The following KPNA3 variants were observed in gnomAD, a reference collection of about 807,000 sequenced individuals.
KPNA3 encodes importin subunit alpha-4.
A neutral mutation model predicts 73.8 loss-of-function variants in KPNA3; 13 were observed. The observed-to-expected ratio is 0.18, with a 90% CI of 0.11 to 0.28. KPNA3 has a LOEUF of 0.28. Ranked by LOEUF, KPNA3 falls within the 10% of genes least tolerant of loss-of-function variation. The pLI, the probability that KPNA3 is intolerant of heterozygous loss-of-function variation, is 1.00. For missense variants in KPNA3, 360 were observed against 618.1 expected, an observed-to-expected ratio of 0.58 and a Z score of 4.43; for synonymous variants, 186 against 206.9, an observed-to-expected ratio of 0.90 and a Z score of 0.87.
intron 2 of KPNA3, among the ~76,000 whole-genome samples, chr13:49,746,265 T>G (rs970227273): frequency 1.3e-5 from 2 of 152,066 alleles, no homozygotes; most frequent in Admixed American, 1.3e-4. Context: ...CTGGGCAACA[T>G]AGTGAGACCT....
chr13:49,754,261 A>C (rs537760904), intron 1 of KPNA3, among the ~76,000 whole-genome samples: 51 of 152,302 alleles, frequency 3.3e-4, no homozygotes, highest in Middle Eastern at 6.8e-3. Flanking sequence ...AGATCACGTC[A>C]CTGCACTCCA....
At chr13:49,738,139 T>C (rs1352252532) in intron 2 of KPNA3, among the ~76,000 whole-genome samples, 3 of 152,228 alleles carry the variant, frequency 2.0e-5, no homozygotes, top group African/African-American at 7.2e-5. Flanking sequence ...CTCCATTGAA[T>C]TGGTTTTGTA....
intron 1 of KPNA3, among the ~76,000 whole-genome samples, chr13:49,758,648 T>C (rs1267363547): frequency 1.3e-5 from 2 of 152,296 alleles, no homozygotes; most frequent in East Asian, 1.9e-4. Context: ...TAAAATCCCA[T>C]AGTCCTGAAT....
chr13:49,751,473 C>CG (rs140326353), intron 1 of KPNA3, among the ~76,000 whole-genome samples: 1,832 of 152,136 alleles, frequency 0.012, 35 homozygotes, highest in African/African-American at 0.042. Context: ...ACAATGCAGC[C>CG]GGGGGGGTTC....
At chr13:49,750,403 A>G (rs1328832175) in intron 1 of KPNA3, among the ~76,000 whole-genome samples, 2 of 152,208 alleles carry the variant, frequency 1.3e-5, no homozygotes, top group South Asian at 4.1e-4. Flanking sequence ...CTGTAATCCC[A>G]ACACTTTCGG....
chr13:49,740,427 G>T (rs1280866499), intron 2 of KPNA3, among the ~76,000 whole-genome samples: 1 of 152,040 alleles, frequency 6.6e-6, no homozygotes, highest in African/African-American at 2.4e-5. Flanking sequence ...ATCTTGAATT[G>T]TAACTCCCAC....
At chr13:49,741,514 C>A (rs55952201) in intron 2 of KPNA3, among the ~76,000 whole-genome samples, 102 of 148,868 alleles carry the variant, frequency 6.9e-4, no homozygotes, top group African/African-American at 2.4e-3. Flanking sequence ...AGTGCAGTGG[C>A]GTGATCTCGG....
chr13:49,790,772 G>A (rs1022234838), intron 1 of KPNA3, among the ~76,000 whole-genome samples: 2 of 152,196 alleles, frequency 1.3e-5, no homozygotes, highest in African/African-American at 2.4e-5. Context: ...GTATCACTGA[G>A]CTACCAGAAC....
At chr13:49,754,705 C>T (rs1250468189) in intron 1 of KPNA3, among the ~76,000 whole-genome samples, 1 of 149,974 alleles carries the variant, frequency 6.7e-6, no homozygotes, top group Non-Finnish European at 1.5e-5. Flanking sequence ...GGTACTATCA[C>T]TACAGACTTT....
rs1162067060 is a variant in KPNA3, at chr13:49,709,416, AG to A, written c.1032+155del. Among the ~76,000 whole-genome samples the A allele has an allele frequency of 7.9e-5, 12 of 151,402 alleles. No individual in the cohort carries two copies. In the South Asian group the frequency reaches 2.5e-3, roughly 32 times the overall value. ...TCTGTCTCAAAAAAAAAAAAAAAAA[AG>A]TTGAAGAAAAACATTTGCAGAGGTG... On this transcript the variant is annotated intron_variant, in intron 12 of 16. Coordinates refer to ENST00000261667, the MANE Select transcript of KPNA3 (RefSeq NM_002267.4).
At chr13:49,779,943 C>T (rs754737284) in intron 1 of KPNA3, among the ~76,000 whole-genome samples, 1 of 152,116 alleles carries the variant, frequency 6.6e-6, no homozygotes, top group Non-Finnish European at 1.5e-5. Context: ...AGGAAACTCT[C>T]CTCCCTAAGT....
At chr13:49,781,360 C>T (rs917713893) in intron 1 of KPNA3, among the ~76,000 whole-genome samples, 1 of 152,138 alleles carries the variant, frequency 6.6e-6, no homozygotes, top group African/African-American at 2.4e-5. Flanking sequence ...GGACTCAGTG[C>T]CAGTTCTGCC....
intron 1 of KPNA3, among the ~76,000 whole-genome samples, chr13:49,749,303 G>A (rs1954643001): frequency 6.6e-6 from 1 of 152,148 alleles, no homozygotes. Flanking sequence ...TAAGTGCTTC[G>A]AATATGAACA....
Position 49,706,254 on chromosome 13 carries a change from A to T in KPNA3, c.1137+14T>A. ...ACAGATTAACAGACACGGTGAACTCATAATATGACCAACCTTAGCAAGCTG... is the reference window on the plus strand; with the variant it reads ...ACAGATTAACAGACACGGTGAACTCTTAATATGACCAACCTTAGCAAGCTG... On this transcript the variant is annotated intron_variant, in intron 13 of 16. Coordinates refer to ENST00000261667, the MANE Select transcript of KPNA3 (RefSeq NM_002267.4). 6.2e-7 allele frequency: 1 copy of T among 1,612,246 alleles called. No individual in the cohort carries two copies. Among genetic ancestry groups the T allele is most frequent in the Non-Finnish European group, 8.5e-7 (1 of 1,178,426 alleles).
In KPNA3 at chr13:49,725,605, T is replaced by G; in HGVS notation, c.384-104A>C. ...GGCTATTCTTTGCCTTGTCCTTGAA[T>G]TTCACCTTGTTATAATCCAATTGCC... On this transcript the variant is annotated intron_variant, in intron 6 of 16. Transcript: ENST00000261667. 5 of 665,230 alleles carry G rather than the reference T, an allele frequency of 7.5e-6. No homozygotes were observed. In the South Asian group the frequency reaches 1.3e-4, roughly 17 times the overall value. 41.2% of individuals were successfully genotyped at this position (665,230 alleles called of 1,614,324 possible).
chr13:49,776,865 T>A (rs762301640), intron 1 of KPNA3, among the ~76,000 whole-genome samples: 11 of 152,206 alleles, frequency 7.2e-5, no homozygotes, highest in African/African-American at 1.2e-4. Flanking sequence ...CCAAGATACA[T>A]ATAGTCATGG....
intron 6 of KPNA3, among the ~76,000 whole-genome samples, chr13:49,731,150 G>C (rs938274191): frequency 6.7e-6 from 1 of 149,530 alleles, no homozygotes; most frequent in African/African-American, 2.5e-5. Flanking sequence ...TATTGGCTCA[G>C]GACAACCTCC....
chr13:49,742,379 A>C (rs1193965131), intron 2 of KPNA3, among the ~76,000 whole-genome samples: 1 of 152,196 alleles, frequency 6.6e-6, no homozygotes, highest in East Asian at 1.9e-4. Context: ...AATGAAATTA[A>C]CTAAAGAAAT....
intron 1 of KPNA3, among the ~76,000 whole-genome samples, chr13:49,778,227 G>A (rs941735717): frequency 2.6e-5 from 4 of 152,226 alleles, no homozygotes; most frequent in African/African-American, 9.6e-5. Context: ...TCTGTACATA[G>A]TGAACTATAA....
Sources: gnomAD v4.1 joint callset for allele counts (sites outside exome capture counted in the v4.1 genomes callset) on GRCh38, gnomAD v4.1.1 for gene constraint, MANE v1.5 for transcripts, NCBI Gene and HGNC (gene_info 2026-07-23, HGNC 2026-07-21) for gene names.